QTMAN: variants seen among roughly 807,000 people sequenced by gnomAD.
QTMAN encodes the protein queuosine-tRNA mannosyltransferase.
chr2:144,063,177 G>A, the QTMAN span, among the ~76,000 whole-genome samples: 378 of 152,236 alleles, frequency 2.5e-3, 1 homozygote, highest in Non-Finnish European at 4.6e-3. Context: ...GAGAAATGGA[G>A]AAACACAGTT....
At chr2:144,249,007 G>T in the QTMAN span, among the ~76,000 whole-genome samples, 3 of 152,134 alleles carry the variant, frequency 2.0e-5, no homozygotes, top group African/African-American at 7.2e-5. Flanking sequence ...TCAGTTTTTA[G>T]AACATTACTT....
At chr2:144,081,677 A>G in the QTMAN span, among the ~76,000 whole-genome samples, 1 of 152,246 alleles carries the variant, frequency 6.6e-6, no homozygotes, top group Middle Eastern at 3.4e-3. Flanking sequence ...GAAAGGGAAG[A>G]GGGAAGACCT....
the QTMAN span, among the ~76,000 whole-genome samples, chr2:144,180,793 T>A: frequency 1.3e-5 from 2 of 152,162 alleles, no homozygotes; most frequent in African/African-American, 4.8e-5. Flanking sequence ...AGGTAGTTCA[T>A]GTATGAAGTG....
At chr2:144,045,179 T>C in the QTMAN span, among the ~76,000 whole-genome samples, 2 of 152,212 alleles carry the variant, frequency 1.3e-5, no homozygotes, top group African/African-American at 2.4e-5. Flanking sequence ...ACTTATTTTA[T>C]GGAGATGGGA....
At chr2:144,084,591 CCTT>C in the QTMAN span, among the ~76,000 whole-genome samples, 1 of 152,194 alleles carries the variant, frequency 6.6e-6, no homozygotes, top group African/African-American at 2.4e-5. Context: ...AAAGTCATCT[CCTT>C]CTCAGATTTT....
chr2:144,197,672 A>G, the QTMAN span, among the ~76,000 whole-genome samples: 1 of 152,144 alleles, frequency 6.6e-6, no homozygotes. Context: ...TAACTAGTAA[A>G]AAGCAAATAA....
chr2:144,030,347 C>T, the QTMAN span, among the ~76,000 whole-genome samples: 4 of 152,200 alleles, frequency 2.6e-5, no homozygotes, highest in Non-Finnish European at 5.9e-5. Context: ...AGTGGCCTCT[C>T]TACTTTATCC....
chr2:143,980,109 T>C, the QTMAN span, among the ~76,000 whole-genome samples: 1 of 152,198 alleles, frequency 6.6e-6, no homozygotes. Flanking sequence ...CATGGTGTTC[T>C]GCTACACAGA....
the QTMAN span, among the ~76,000 whole-genome samples, chr2:144,291,025 GTC>G: frequency 6.6e-6 from 1 of 152,136 alleles, no homozygotes; most frequent in Non-Finnish European, 1.5e-5. Context: ...TCTGTTTCAA[GTC>G]TCTCTCTCAT....
chr2:144,188,100 T>C, the QTMAN span, among the ~76,000 whole-genome samples: 1 of 152,036 alleles, frequency 6.6e-6, no homozygotes, highest in Non-Finnish European at 1.5e-5. Flanking sequence ...GGCCCTGATA[T>C]TGGACTTCTG....
At chr2:143,946,838 C>A in the QTMAN span, 1 of 542,854 alleles carries the variant, frequency 1.8e-6, no homozygotes, top group South Asian at 2.8e-5. Context: ...CTCTAGGAAT[C>A]TGTATTTAAT....
chr2:144,139,340 C>T, the QTMAN span, among the ~76,000 whole-genome samples: 2 of 151,890 alleles, frequency 1.3e-5, no homozygotes, highest in Non-Finnish European at 1.5e-5. Flanking sequence ...TTAATGGGAG[C>T]GGGGCGGGTA....
the QTMAN span, among the ~76,000 whole-genome samples, chr2:143,977,383 G>T: frequency 6.6e-6 from 1 of 152,148 alleles, no homozygotes; most frequent in South Asian, 2.1e-4. Flanking sequence ...TCCACTTCCA[G>T]GCAAGAAACG....
At chr2:144,020,058 AAACTCGT>A in the QTMAN span, among the ~76,000 whole-genome samples, 1 of 152,252 alleles carries the variant, frequency 6.6e-6, no homozygotes, top group African/African-American at 2.4e-5. Context: ...CATTTGAGGA[AAACTCGT>A]AACATGAAAT....
the QTMAN span, among the ~76,000 whole-genome samples, chr2:144,108,395 T>C: frequency 6.6e-6 from 1 of 152,140 alleles, no homozygotes. Context: ...ATCCCAGCAC[T>C]TTGGGAGACC....
the QTMAN span, among the ~76,000 whole-genome samples, chr2:144,248,234 G>C: frequency 6.6e-6 from 1 of 152,150 alleles, no homozygotes. Flanking sequence ...TTTAAATGAT[G>C]CTGTAGAAAA....
the QTMAN span, chr2:143,942,760 T>A: frequency 6.0e-6 from 1 of 167,090 alleles, no homozygotes; most frequent in African/African-American, 2.4e-5. Context: ...CTGGCTCCTG[T>A]TAAGCAGAGG....
chr2:144,332,523 C>T, the QTMAN span: 1 of 147,862 alleles, frequency 6.8e-6, no homozygotes, highest in East Asian at 2.0e-4. Flanking sequence ...GCCCCTCCCC[C>T]GCGGCCGCCG....
the QTMAN span, among the ~76,000 whole-genome samples, chr2:144,172,577 T>C: frequency 4.7e-4 from 69 of 147,740 alleles, no homozygotes; most frequent in African/African-American, 1.7e-3. Flanking sequence ...TGAGGCAAGA[T>C]TGTGCCACTA....
Sources: allele counts gnomAD v4.1 joint callset (sites outside exome capture counted in the v4.1 genomes callset), GRCh38; gene constraint gnomAD v4.1.1; transcripts MANE v1.5; gene names NCBI Gene and HGNC (gene_info 2026-07-23, HGNC 2026-07-21).